The following MARCHF1 variants were observed in gnomAD, a reference collection of about 807,000 sequenced individuals.
The protein encoded by MARCHF1 is E3 ubiquitin-protein ligase MARCHF1.
Under a neutral mutation model 54.2 loss-of-function variants are expected in MARCHF1, and 40 were observed. The observed-to-expected ratio is 0.74, with a 90% CI of 0.57 to 0.96. MARCHF1 has a LOEUF of 0.96. Ranked by LOEUF, MARCHF1 falls within the 40% of genes least tolerant of loss-of-function variation. The probability of loss-of-function intolerance (pLI) is 0.00; values close to 1 mark genes in which losing one functional copy is unlikely to be tolerated. For missense variants in MARCHF1, 586 were observed against 656.5 expected (o/e 0.89, Z 1.17); for synonymous variants, 236 against 236.3 (o/e 1.00, Z 0.01).
At chr4:164,078,169 G>A (rs376315483) in intron 2 of MARCHF1, among the ~76,000 whole-genome samples, 18 of 152,110 alleles carry the variant, frequency 1.2e-4, no homozygotes, top group East Asian at 7.7e-4. Context: ...AAGAAAATGT[G>A]GCACATATAC....
chr4:163,928,441 C>T lies in MARCHF1; in HGVS notation c.-39+60060G>A, dbSNP rs548864084. ...CGTGGTGGCAGAGGACTCTTTTTGG[C>T]ATTTAGGTGGACTTTACAATTATTA... On this transcript the variant is annotated intron_variant, in intron 3 of 9. Coordinates refer to ENST00000514618, the MANE Select transcript of MARCHF1 (RefSeq NM_001394959.1). Among the ~76,000 whole-genome samples the T allele has an allele frequency of 3.3e-5, 5 of 151,872 alleles. No individual in the cohort carries two copies. In the East Asian group the frequency reaches 9.7e-4, roughly 29 times the overall value.
chr4:164,335,601 A>G (rs924360941), intron 1 of MARCHF1, among the ~76,000 whole-genome samples: 1 of 150,510 alleles, frequency 6.6e-6, no homozygotes, highest in Non-Finnish European at 1.5e-5. Flanking sequence ...AAAAAAAAAG[A>G]GAATTTGCTT....
At chr4:164,106,397 A>T (rs1407125853) in intron 2 of MARCHF1, among the ~76,000 whole-genome samples, 2 of 88,080 alleles carry the variant, frequency 2.3e-5, no homozygotes, top group African/African-American at 1.1e-4. Context: ...CTGGATTAAG[A>T]AAATGTGGCA....
chr4:163,891,467 A>AT (rs199792095), intron 3 of MARCHF1, among the ~76,000 whole-genome samples: 47 of 149,302 alleles, frequency 3.1e-4, no homozygotes, highest in African/African-American at 8.8e-4. Context: ...AAGCTACACC[A>AT]TTTTTTTTTT....
chr4:164,330,923 G>C (rs1200710415), intron 1 of MARCHF1, among the ~76,000 whole-genome samples: 1 of 152,160 alleles, frequency 6.6e-6, no homozygotes, highest in Admixed American at 6.5e-5. Flanking sequence ...CTCCAGTTCT[G>C]TAAAAGTGAT....
At chr4:163,861,363 C>A (rs7655259) in intron 3 of MARCHF1, among the ~76,000 whole-genome samples, 108,441 of 151,954 alleles carry the variant, frequency 0.71, 40,185 homozygotes, top group Middle Eastern at 0.83. Flanking sequence ...AGAAGAAGAA[C>A]AAAGAGATAA....
In MARCHF1 at chr4:163,525,411, C is replaced by T. The variant is rs1472719201; in HGVS notation, c.*3337G>A. 6.6e-6 allele frequency: 1 copy of T among 152,150 alleles called. No individual in the cohort carries two copies. The highest frequency in any genetic ancestry group is 1.5e-5 in the Non-Finnish European group (1 of 68,016). The allele number at this position is 152,150 out of a possible 1,614,324, so 9.4% of individuals were successfully genotyped here. ...TGTTTTGAAAGACTCCTTCAGTCTA[C>T]ACCTATCTTCCTTCAGGTTACACAT... is the stretch of plus-strand genomic sequence containing the variant. On this transcript the variant is annotated 3_prime_UTR_variant, in exon 10 of 10. Transcript: ENST00000514618.
intron 1 of MARCHF1, among the ~76,000 whole-genome samples, chr4:164,183,859 G>A (rs556721181): frequency 1.5e-3 from 224 of 152,208 alleles, no homozygotes; most frequent in Middle Eastern, 3.4e-3. Context: ...TAGGAGAGAA[G>A]AAAAGAAAAT....
intron 1 of MARCHF1, among the ~76,000 whole-genome samples, chr4:164,149,022 G>A (rs1729854857): frequency 2.0e-5 from 3 of 152,140 alleles, no homozygotes; most frequent in South Asian, 4.1e-4. Flanking sequence ...TTTCATGGAT[G>A]GGTTGGTACT....
chr4:163,809,508 G>T (rs1748323850), intron 4 of MARCHF1, among the ~76,000 whole-genome samples: 1 of 152,100 alleles, frequency 6.6e-6, no homozygotes, highest in African/African-American at 2.4e-5. Context: ...ATGTTAAATT[G>T]CTATTTGCTT....
intron 3 of MARCHF1, among the ~76,000 whole-genome samples, chr4:163,902,053 A>G (rs138249707): frequency 1.6e-3 from 240 of 152,310 alleles, no homozygotes; most frequent in African/African-American, 5.6e-3. Flanking sequence ...CATTTCCCCA[A>G]ATACCTCCTC....
At chr4:164,061,039 C>A (rs1234047936) in intron 2 of MARCHF1, among the ~76,000 whole-genome samples, 1 of 152,148 alleles carries the variant, frequency 6.6e-6, no homozygotes, top group Admixed American at 6.5e-5. Context: ...GCTAACCTAT[C>A]ATTTTGCTCT....
chr4:164,040,484 T>G (rs1424680106), intron 2 of MARCHF1, among the ~76,000 whole-genome samples: 1 of 148,826 alleles, frequency 6.7e-6, no homozygotes, highest in Admixed American at 6.8e-5. Flanking sequence ...GTATACAAAA[T>G]TATAGATATA....
chr4:164,030,132 T>C (rs1216820330), intron 2 of MARCHF1, among the ~76,000 whole-genome samples: 3 of 152,070 alleles, frequency 2.0e-5, no homozygotes, highest in African/African-American at 7.2e-5. Context: ...TTCTCAATAC[T>C]TTAAATCATT....
chr4:164,288,842 T>G (rs1304196049), intron 1 of MARCHF1, among the ~76,000 whole-genome samples: 1 of 152,080 alleles, frequency 6.6e-6, no homozygotes, highest in Non-Finnish European at 1.5e-5. Flanking sequence ...CAGAAATCTT[T>G]GGCATTTGTT....
intron 4 of MARCHF1, among the ~76,000 whole-genome samples, chr4:163,817,826 T>C (rs1048833630): frequency 4.0e-5 from 6 of 151,150 alleles, no homozygotes; most frequent in East Asian, 3.9e-4. Context: ...ATGGATGAAA[T>C]TGGAAATCAT....
intron 5 of MARCHF1, among the ~76,000 whole-genome samples, chr4:163,613,952 C>T (rs552635411): frequency 6.6e-6 from 1 of 152,200 alleles, no homozygotes; most frequent in African/African-American, 2.4e-5. Context: ...ATTGGCCTTT[C>T]ATATCTTTTA....
intron 5 of MARCHF1, among the ~76,000 whole-genome samples, chr4:163,657,999 C>T (rs1280089226): frequency 3.6e-5 from 5 of 140,700 alleles, no homozygotes; most frequent in Non-Finnish European, 7.5e-5. Flanking sequence ...GACATAGGCA[C>T]AGGCAAACAT....
intron 5 of MARCHF1, among the ~76,000 whole-genome samples, chr4:163,674,549 CAG>C (rs1406716837): frequency 6.6e-6 from 1 of 152,098 alleles, no homozygotes; most frequent in African/African-American, 2.4e-5. Flanking sequence ...TGGCAGCAAA[CAG>C]AGGTTATCCA....
Sources: allele counts gnomAD v4.1 joint callset (sites outside exome capture counted in the v4.1 genomes callset), GRCh38; gene constraint gnomAD v4.1.1; transcripts MANE v1.5; gene names NCBI Gene and HGNC (gene_info 2026-07-23, HGNC 2026-07-21).